SLC6A17: variants seen among roughly 807,000 people sequenced by gnomAD.
SLC6A17 encodes the protein sodium-dependent neutral amino acid transporter SLC6A17.
SLC6A17 carries 21 observed loss-of-function variants against 64.5 expected under a neutral mutation model. That is an observed-to-expected ratio of 0.33 (90% CI 0.23 to 0.47). SLC6A17 has a LOEUF of 0.47. Among genes scored for constraint, SLC6A17 ranks in the 20% least tolerant of loss-of-function variants. The probability of loss-of-function intolerance (pLI) is 1.00; values close to 1 mark genes in which losing one functional copy is unlikely to be tolerated. For synonymous variants in SLC6A17, 372 were observed against 399.5 expected, an observed-to-expected ratio of 0.93 and a Z score of 0.82; for missense variants, 682 against 963.2, an observed-to-expected ratio of 0.71 and a Z score of 3.86.
At chr1:110,180,710 A>G (rs756136362) in intron 6 of SLC6A17, among the ~76,000 whole-genome samples, 4 of 152,088 alleles carry the variant, frequency 2.6e-5, no homozygotes, top group African/African-American at 7.2e-5. Flanking sequence ...TTGCCCTACA[A>G]TGATGCTGTA....
At chr1:110,166,560 C>T (rs193279141) in intron 1 of SLC6A17, among the ~76,000 whole-genome samples, 3 of 152,332 alleles carry the variant, frequency 2.0e-5, no homozygotes, top group East Asian at 1.9e-4. Context: ...AATGTCTTCA[C>T]GGATAATGCT....
At chr1:110,179,089 C>A (rs1336359662) in intron 6 of SLC6A17, among the ~76,000 whole-genome samples, 8 of 152,114 alleles carry the variant, frequency 5.3e-5, no homozygotes, top group Admixed American at 2.0e-4. Context: ...CTAAGATTTA[C>A]CAATTTTGGT....
chr1:110,190,777 G>A (rs1033694259), intron 6 of SLC6A17, among the ~76,000 whole-genome samples: 10 of 152,066 alleles, frequency 6.6e-5, no homozygotes, highest in African/African-American at 2.4e-4. Context: ...GGTCACAGGG[G>A]AAAATGCTTT....
intron 1 of SLC6A17, among the ~76,000 whole-genome samples, chr1:110,154,758 T>A (rs921705626): frequency 2.0e-5 from 3 of 152,222 alleles, no homozygotes; most frequent in Non-Finnish European, 4.4e-5. Flanking sequence ...GGACGGCCAC[T>A]TGCTGATGGG....
At chr1:110,168,598 C>A (rs544934913) in intron 2 of SLC6A17, among the ~76,000 whole-genome samples, 36 of 152,280 alleles carry the variant, frequency 2.4e-4, no homozygotes, top group South Asian at 1.4e-3. Context: ...TAAGACTAGC[C>A]CAAAGCAAAG....
chr1:110,197,344 G>A, intron 10 of SLC6A17, 93 bp from the exon 11 acceptor site: 1 of 1,498,716 alleles, frequency 6.7e-7, no homozygotes, highest in African/African-American at 1.4e-5. Context: ...GAGGGACTGG[G>A]AAACGAAGAC....
chr1:110,192,618 A>T lies in SLC6A17; in HGVS notation c.1219A>T (p.Asn407Tyr). The change falls in exon 8 of 12, where the codon AAT becomes TAT. Residue 407 changes from asparagine to tyrosine, a missense_variant. Asn to Tyr is a moderately radical substitution (Grantham distance 143). Around this residue, in one of 3 missense-constraint regions of SLC6A17, gnomAD observed 415 missense variants for 603.8 expected, o/e 0.69. Transcript: ENST00000331565. The surrounding 1 kb of genome is among the most constrained non-coding windows in gnomAD (Gnocchi z 4.3). ...CACAAAGGACTACATGGAGATGTAC[A>T]ATGTCATCATGACCGTGAAGGAGGA... ...LTTKDYMEMY[N>Y]VIMTVKEDQF... is the part of the protein sequence containing the mutation. 1 of 1,614,184 alleles carries T rather than the reference A, an allele frequency of 6.2e-7. No homozygotes were observed. Among genetic ancestry groups the T allele is most frequent in the Non-Finnish European group, 8.5e-7 (1 of 1,180,020 alleles).
chr1:110,171,469 A>G lies in SLC6A17; in HGVS notation c.287-591A>G, dbSNP rs114509387. ...CCTGGCTATGCTTTCCTGAACTGCT[A>G]ATTTCTCTCCCATTCCTCTCAATTA... On this transcript the variant is annotated intron_variant, in intron 2 of 11. Coordinates refer to ENST00000331565, the MANE Select transcript of SLC6A17 (RefSeq NM_001010898.4). Among the ~76,000 whole-genome samples the G allele has an allele frequency of 7.0e-3, 1,064 of 152,242 alleles. 21 individuals are homozygous for G. Among genetic ancestry groups the G allele is most frequent in the African/African-American group, 0.024 (986 of 41,536 alleles).
Position 110,162,151 on chromosome 1 carries a change from G to C in SLC6A17, c.-87-4692G>C, listed in dbSNP as rs368742470. Reference sequence around the variant, plus strand: ...ACCTTGCAGCTTCATCATCCGACGTGTTGCTCGTGAAAGCCACTTCACAAC... The same window carrying C: ...ACCTTGCAGCTTCATCATCCGACGTCTTGCTCGTGAAAGCCACTTCACAAC... On this transcript the variant is annotated intron_variant, in intron 1 of 11. Coordinates refer to ENST00000331565, the MANE Select transcript of SLC6A17 (RefSeq NM_001010898.4). Among the ~76,000 whole-genome samples, 5 of 152,232 alleles carry C rather than the reference G, an allele frequency of 3.3e-5. No homozygotes were observed. The East Asian group carries it at 9.6e-4, about 29-fold the overall frequency.
chr1:110,151,101 G>T (rs1040796259), intron 1 of SLC6A17, among the ~76,000 whole-genome samples: 2 of 152,230 alleles, frequency 1.3e-5, no homozygotes, highest in African/African-American at 4.8e-5. Flanking sequence ...TTCGCGCATC[G>T]GGGTCCCCAG....
rs180729996 is a variant in SLC6A17 at position 110,161,791 on chromosome 1, G to A, written c.-87-5052G>A. On this transcript the variant is annotated intron_variant, in intron 1 of 11. Coordinates refer to ENST00000331565, the MANE Select transcript of SLC6A17 (RefSeq NM_001010898.4). ...TCCTCCTCCCCGGCTGCTGTGGGGT[G>A]GAGGGGCTCCAGGCTTTGTCCTGGT... Among the ~76,000 whole-genome samples, 11 of 152,324 alleles carry A rather than the reference G, an allele frequency of 7.2e-5. No individual in the cohort carries two copies. In the East Asian group the frequency reaches 2.1e-3, roughly 29 times the overall value.
intron 6 of SLC6A17, among the ~76,000 whole-genome samples, chr1:110,185,737 G>T (rs976891935): frequency 2.0e-5 from 3 of 152,198 alleles, no homozygotes; most frequent in African/African-American, 7.2e-5. Context: ...ATCCTCTGTT[G>T]TTGCTTGTTA....
chr1:110,167,357 A>G (rs1656095670), intron 2 of SLC6A17, 142 bp downstream of exon 2: 1 of 1,071,464 alleles, frequency 9.3e-7, no homozygotes, highest in Middle Eastern at 3.1e-4. Flanking sequence ...CAGCCCAGGA[A>G]TAGCTATAAT....
intron 1 of SLC6A17, among the ~76,000 whole-genome samples, chr1:110,161,260 T>C (rs2101839669): frequency 6.6e-6 from 1 of 152,178 alleles, no homozygotes. Context: ...AGGAGAACAG[T>C]TTGGGCCACA....
rs1656866800 is a variant in SLC6A17 at position 110,192,764 on chromosome 1, G to A, written c.1299+66G>A. ...CAGAGAGCAGCTGTGGCCGGCGGGAGCTTGGGCTCAGGCCTCAGGATGCTG... is the reference window on the plus strand; with the variant it reads ...CAGAGAGCAGCTGTGGCCGGCGGGAACTTGGGCTCAGGCCTCAGGATGCTG... On this transcript the variant is annotated intron_variant, in intron 8 of 11. Coordinates refer to ENST00000331565, the MANE Select transcript of SLC6A17 (RefSeq NM_001010898.4). This position sits in a 1 kb window ranked among gnomAD's most constrained non-coding sequence, Gnocchi z 4.3. 1 of 1,527,764 alleles carries A rather than the reference G, an allele frequency of 6.5e-7. No individual in the cohort carries two copies. The highest frequency in any genetic ancestry group is 8.8e-7 in the Non-Finnish European group (1 of 1,133,344). 94.6% of individuals were successfully genotyped at this position (1,527,764 alleles called of 1,614,324 possible).
chr1:110,173,076 G>A (rs1184091613), intron 3 of SLC6A17, among the ~76,000 whole-genome samples: 1 of 152,250 alleles, frequency 6.6e-6, no homozygotes, highest in East Asian at 1.9e-4. Flanking sequence ...CCAATGCCGT[G>A]TATTCTGCTG....
intron 1 of SLC6A17, among the ~76,000 whole-genome samples, chr1:110,155,284 A>G (rs1314007158): frequency 6.6e-6 from 1 of 152,166 alleles, no homozygotes; most frequent in African/African-American, 2.4e-5. Context: ...TCCTCCCATG[A>G]GTGATTCTTA....
Position 110,166,994 on chromosome 1 carries a change from C to T in SLC6A17, c.65C>T (p.Ala22Val), listed in dbSNP as rs766443472. 6.2e-7 allele frequency: 1 copy of T among 1,613,620 alleles called. No individual in the cohort carries two copies. Among genetic ancestry groups the T allele is most frequent in the Non-Finnish European group, 8.5e-7 (1 of 1,179,844 alleles). ...AGTGAGCATGTCACTGAGTCCGTGG[C>T]CGACCTGCTGGCCCTCGAGGAGCCT... is the stretch of plus-strand genomic sequence containing the variant. ...HSSEHVTESV[A>V]DLLALEEPVD... The change falls in exon 2 of 12, where the codon GCC becomes GTC. Residue 22 changes from alanine to valine, a missense_variant. Ala to Val is a moderately conservative substitution (Grantham distance 64). Transcript: ENST00000331565.
At chr1:110,151,085 C>G (rs1406677554) in intron 1 of SLC6A17, among the ~76,000 whole-genome samples, 2 of 152,244 alleles carry the variant, frequency 1.3e-5, no homozygotes, top group Non-Finnish European at 2.9e-5. Context: ...CCGGGGCCCG[C>G]TCTCCTTCGC....
Sources: gnomAD v4.1 joint callset for allele counts (sites outside exome capture counted in the v4.1 genomes callset) on GRCh38, gnomAD v4.1.1 for gene constraint, gnomAD v4.1.1 regional missense constraint, Gnocchi (gnomAD v3.1) non-coding constraint, MANE v1.5 for transcripts, NCBI Gene and HGNC (gene_info 2026-07-23, HGNC 2026-07-21) for gene names.